The following PRKDC variants were observed in gnomAD, a reference collection of about 807,000 sequenced individuals.
PRKDC encodes protein kinase, DNA-activated, catalytic subunit, also known as DNA-dependent protein kinase catalytic subunit.
PRKDC carries 82 observed loss-of-function variants against 486.9 expected under a neutral mutation model. The observed-to-expected ratio is 0.17, with a 90% confidence interval of 0.14 to 0.20. The LOEUF is 0.20. Ranked by LOEUF, PRKDC falls within the 10% of genes least tolerant of loss-of-function variation. PRKDC has a pLI of 1.00. For synonymous variants in PRKDC, 1,895 were observed against 1,837.0 expected (o/e 1.03, Z -0.81); for missense variants, 4,504 against 5,038.2 (o/e 0.89, Z 3.21).
Position 47,953,706 on chromosome 8 carries a change from ACTG to A in PRKDC, c.632_634del (p.Ala211del), listed in dbSNP as rs769068237. ...CAGAACAGGTAGTTTGGGCTCTCTT[ACTG>A]CTGATGTCATCTAAAAGAAAAGATT... On this transcript the variant is annotated inframe_deletion, in exon 7 of 86. Transcript: ENST00000314191. 1 of 1,612,366 alleles carries A rather than the reference ACTG, an allele frequency of 6.2e-7. No individual in the cohort carries two copies.
chr8:47,926,131 T>G (rs983991005), intron 21 of PRKDC, among the ~76,000 whole-genome samples: 3 of 152,222 alleles, frequency 2.0e-5, no homozygotes, highest in Non-Finnish European at 4.4e-5. Context: ...TAAAGATATA[T>G]GCTATCAGAT....
At chr8:47,886,825 C>T (rs947191119) in intron 35 of PRKDC, among the ~76,000 whole-genome samples, 1 of 151,854 alleles carries the variant, frequency 6.6e-6, no homozygotes, top group Non-Finnish European at 1.5e-5. Flanking sequence ...GTAGCTGGGA[C>T]TACAAGCATG....
In PRKDC at chr8:47,882,083, C is replaced by A; in HGVS notation, c.4791G>T (p.Leu1597Phe). The part of the protein sequence containing the change: ...VDNTKMVSAV[L>F]NGMLDQSFRE... ...TGAAGCTCTGGTCTAACATGCCGTTCAAAACGGCACTCACCTGAGACAATT... is the reference window on the plus strand; with the variant it reads ...TGAAGCTCTGGTCTAACATGCCGTTAAAAACGGCACTCACCTGAGACAATT... The change falls in exon 37 of 86, where the codon TTG becomes TTT. Residue 1597 changes from leucine to phenylalanine, a missense_variant. Transcript: ENST00000314191. 6.2e-7 allele frequency: 1 copy of A among 1,611,858 alleles called. No homozygotes were observed. Among genetic ancestry groups the A allele is most frequent in the Non-Finnish European group, 8.5e-7 (1 of 1,179,154 alleles).
chr8:47,795,188 CTCT>C (rs2086957319), intron 73 of PRKDC, among the ~76,000 whole-genome samples: 1 of 129,144 alleles, frequency 7.7e-6, no homozygotes, highest in Non-Finnish European at 1.6e-5. Context: ...GCCTGGCCAA[CTCT>C]TTTTTTTTTT....
intron 35 of PRKDC, among the ~76,000 whole-genome samples, chr8:47,886,714 G>GT (rs2089340681): frequency 6.6e-6 from 1 of 151,978 alleles, no homozygotes; most frequent in South Asian, 2.1e-4. Context: ...TAAAGACAGG[G>GT]TGTCACTCTG....
Position 47,803,587 on chromosome 8 carries a change from T to C in PRKDC, c.9748-107A>G, listed in dbSNP as rs142365275. 4.8e-4 allele frequency: 459 copies of C among 947,638 alleles called. 3 individuals are homozygous for C. The East Asian group carries it at 0.01, about 21-fold the overall frequency. 58.7% of individuals were successfully genotyped at this position (947,638 alleles called of 1,614,324 possible). On this transcript the variant is annotated intron_variant, in intron 69 of 85. Coordinates refer to ENST00000314191, the MANE Select transcript of PRKDC (RefSeq NM_006904.7). ...TTGCACGACACAATCCACCTTAGAGTAGCGAATCCATTTCTTTAGCTTCAA... is the reference window on the plus strand; with the variant it reads ...TTGCACGACACAATCCACCTTAGAGCAGCGAATCCATTTCTTTAGCTTCAA...
chr8:47,933,259 T>C, intron 15 of PRKDC, 87 bp from the exon 16 acceptor site: 2 of 1,087,938 alleles, frequency 1.8e-6, no homozygotes, highest in Non-Finnish European at 1.2e-6. Context: ...TACACAGATG[T>C]ATGTGCCGGT....
In PRKDC at chr8:47,778,602, A is replaced by G; in HGVS notation, c.11710T>C (p.Phe3904Leu). Residue 3904 changes from phenylalanine to leucine, a missense_variant, in exon 83 of 86, where the codon TTC (phenylalanine) becomes CTC (leucine). Phe to Leu is a conservative substitution (Grantham distance 22). Around this residue, in one of 6 missense-constraint regions of PRKDC, gnomAD observed 706 missense variants for 945.0 expected, o/e 0.75. Coordinates refer to ENST00000314191, the MANE Select transcript of PRKDC (RefSeq NM_006904.7). Reference protein sequence around the residue: ...PEAFLALRSHFASSHALICIS... With the variant: ...PEAFLALRSHLASSHALICIS... Reference sequence around the variant, plus strand: ...CATATCAGAGCGTGAGAGCTGGCGAAGTGGGAGCGGAGCGCCAGGAAAGCC... The same window carrying G: ...CATATCAGAGCGTGAGAGCTGGCGAGGTGGGAGCGGAGCGCCAGGAAAGCC... 1 of 1,613,776 alleles carries G rather than the reference A, an allele frequency of 6.2e-7. No homozygotes were observed. Among genetic ancestry groups the G allele is most frequent in the Non-Finnish European group, 8.5e-7 (1 of 1,179,804 alleles).
At position 47,881,083 on chromosome 8, in the gene PRKDC, CAAGA is replaced by C. The variant is rs542947867; in HGVS notation, c.5067+329_5067+332del. ...AAAAGAAAGCAAGAAAGCAAGAAAG[CAAGA>C]AAGCAAGCAAGCAAGCAAGAAAGAA... On this transcript the variant is annotated intron_variant, in intron 38 of 85. Coordinates refer to ENST00000314191, the MANE Select transcript of PRKDC (RefSeq NM_006904.7). Among the ~76,000 whole-genome samples the C allele has an allele frequency of 0.023, 3,341 of 148,422 alleles. 95 individuals are homozygous for C. Among genetic ancestry groups the C allele is most frequent in the African/African-American group, 0.071 (2,822 of 39,638 alleles).
intron 7 of PRKDC, 111 bp from the exon 8 acceptor site, chr8:47,944,140 G>A (rs1004883514): frequency 1.3e-5 from 12 of 900,260 alleles, no homozygotes; most frequent in Admixed American, 1.2e-4. Context: ...GTGAATTCAG[G>A]AGAAACATCT....
In PRKDC at chr8:47,803,362, C is replaced by T. The variant is rs567582432; in HGVS notation, c.9866G>A (p.Arg3289Gln). 22 of 1,614,020 alleles carry T rather than the reference C, an allele frequency of 1.4e-5. No individual in the cohort carries two copies. The highest frequency in any genetic ancestry group is 5.3e-5 in the African/African-American group (4 of 75,046). The change falls in exon 70 of 86, where the codon CGG becomes CAG. Residue 3289 changes from arginine to glutamine, a missense_variant. Physicochemically the swap from Arg to Gln is conservative, Grantham distance 43. Around this residue, in one of 6 missense-constraint regions of PRKDC, gnomAD observed 1,592 missense variants for 1,724.6 expected, o/e 0.92. Transcript: ENST00000314191. ...SYCRLSHCRS[R>Q]SQGCSEQVLT... ...CACCTGCTCAGAGCAGCCCTGGGAC[C>T]GGCTCCGGCAGTGGCTCAGGCGGCA...
rs559410081 is a variant in PRKDC at position 47,939,057 on chromosome 8, ACAAGTTTCCTAATTTCTCTGCATCT to A, written c.1113+469_1113+493del. Reference sequence around the variant, plus strand: ...GGTTCTGTCAATTCTGAGTCTCTTGACAAGTTTCCTAATTTCTCTGCATCTCAGTTTGCTAATCTGCAAAACAGAG... The same window carrying A: ...GGTTCTGTCAATTCTGAGTCTCTTGACAGTTTGCTAATCTGCAAAACAGAG... On this transcript the variant is annotated intron_variant, in intron 11 of 85. Transcript: ENST00000314191. Among the ~76,000 whole-genome samples the A allele has an allele frequency of 6.0e-4, 91 of 152,294 alleles. No individual in the cohort carries two copies. The South Asian group carries it at 0.01, about 17-fold the overall frequency.
chr8:47,788,328 G>A (rs1371279002), intron 76 of PRKDC, among the ~76,000 whole-genome samples: 1 of 152,202 alleles, frequency 6.6e-6, no homozygotes, highest in African/African-American at 2.4e-5. Flanking sequence ...TGTAGCAACT[G>A]GGCTGACTGC....
chr8:47,943,049 G>A (rs1053348578), intron 10 of PRKDC, among the ~76,000 whole-genome samples, 160 bp downstream of exon 10: 12 of 152,190 alleles, frequency 7.9e-5, no homozygotes, highest in African/African-American at 2.7e-4. Flanking sequence ...TTTCAGTCTG[G>A]CTGCCTCCCA....
intron 75 of PRKDC, 41 bp downstream of exon 75, chr8:47,789,110 A>C: frequency 6.2e-7 from 1 of 1,612,438 alleles, no homozygotes; most frequent in Non-Finnish European, 8.5e-7. Context: ...AGTTTTACCC[A>C]ACTTATATGT....
chr8:47,953,966 A>G (rs1013022445), intron 5 of PRKDC, 47 bp from the exon 6 acceptor site: 28 of 1,192,360 alleles, frequency 2.3e-5, no homozygotes, highest in South Asian at 1.4e-4. Context: ...CTACATTTAA[A>G]TAAGTTAAAC....
intron 74 of PRKDC, among the ~76,000 whole-genome samples, chr8:47,794,059 T>TG (rs1423346255): frequency 1.3e-5 from 2 of 152,166 alleles, no homozygotes; most frequent in Admixed American, 6.6e-5. Context: ...CATGACCATA[T>TG]GAGCAGAATG....
At chr8:47,779,266 T>A (rs909918717) in intron 80 of PRKDC, 173 bp from the exon 81 acceptor site, 1 of 535,190 alleles carries the variant, frequency 1.9e-6, no homozygotes, top group African/African-American at 1.9e-5. Context: ...GGATCTTGAA[T>A]TTCAATATAC....
In PRKDC at chr8:47,886,133, C is replaced by T; in HGVS notation, c.4587G>A (p.Val1529=). The T allele has an allele frequency of 1.2e-6, 2 of 1,602,532 alleles. No homozygotes were observed. Among genetic ancestry groups the T allele is most frequent in the African/African-American group, 2.7e-5 (2 of 74,486 alleles). The change falls in exon 36 of 86, where the codon GTG becomes GTA. Residue 1529 remains valine, a synonymous_variant. Coordinates refer to ENST00000314191, the MANE Select transcript of PRKDC (RefSeq NM_006904.7). ...FAFGGLCERL[V]SLLLNPAVLS... ...GCACCGCTGGGTTCAGGAGAAGACTCACAAGGCGCTCACACTGGGAAAAAG... is the reference window on the plus strand; with the variant it reads ...GCACCGCTGGGTTCAGGAGAAGACTTACAAGGCGCTCACACTGGGAAAAAG...
Sources: gnomAD v4.1 joint callset for allele counts (sites outside exome capture counted in the v4.1 genomes callset) on GRCh38, gnomAD v4.1.1 for gene constraint, gnomAD v4.1.1 regional missense constraint, MANE v1.5 for transcripts, NCBI Gene and HGNC (gene_info 2026-07-23, HGNC 2026-07-21) for gene names.